The following FHIT variants were observed in gnomAD, a reference collection of about 807,000 sequenced individuals.
FHIT encodes bis(5'-adenosyl)-triphosphatase.
Under a neutral mutation model 17.9 loss-of-function variants are expected in FHIT, and 19 were observed. The observed-to-expected ratio is 1.06, with a 90% confidence interval of 0.74 to 1.56. The LOEUF is 1.56. Among genes scored for constraint, FHIT ranks in the 40% most tolerant of loss-of-function variants. The pLI, the probability that FHIT is intolerant of heterozygous loss-of-function variation, is 0.00. For missense variants in FHIT, 248 were observed against 189.2 expected, an observed-to-expected ratio of 1.31 and a Z score of -1.82; for synonymous variants, 81 against 69.7, an observed-to-expected ratio of 1.16 and a Z score of -0.81.
At chr3:60,697,423 G>A (rs1439878871) in intron 4 of FHIT, among the ~76,000 whole-genome samples, 1 of 152,002 alleles carries the variant, frequency 6.6e-6, no homozygotes, top group African/African-American at 2.4e-5. Flanking sequence ...CACTTTTCCT[G>A]TACAAATTAT....
At chr3:61,112,935 T>C (rs1185435402) in intron 2 of FHIT, among the ~76,000 whole-genome samples, 3 of 152,268 alleles carry the variant, frequency 2.0e-5, no homozygotes, top group South Asian at 2.1e-4. Flanking sequence ...TGGAACTAAC[T>C]ATGGAACAAG....
At chr3:61,048,582 G>C (rs1575913150) in intron 2 of FHIT, among the ~76,000 whole-genome samples, 1 of 152,122 alleles carries the variant, frequency 6.6e-6, no homozygotes, top group African/African-American at 2.4e-5. Flanking sequence ...ATTCCTCAAG[G>C]ATCTAGAACT....
chr3:60,809,743 G>A lies in FHIT; in HGVS notation c.-18+12176C>T, dbSNP rs561940912. Among the ~76,000 whole-genome samples, 165 of 152,222 alleles carry A rather than the reference G, an allele frequency of 1.1e-3. 2 individuals carry two copies. The highest frequency in any genetic ancestry group is 3.4e-3 in the Middle Eastern group (1 of 294). The stretch of plus-strand genomic sequence containing the variant: ...TTCTGAAACCTTAAAGGTTGTATAA[G>A]CCTTTAGAAAACATTAGTTGATGTG... On this transcript the variant is annotated intron_variant, in intron 4 of 9. Transcript: ENST00000492590.
chr3:60,295,102 G>A (rs1470288772), intron 5 of FHIT, among the ~76,000 whole-genome samples: 1 of 151,996 alleles, frequency 6.6e-6, no homozygotes, highest in East Asian at 1.9e-4. Context: ...GAATACATGA[G>A]TAGCCAGGTC....
At chr3:60,839,746 C>T (rs1702655659) in intron 3 of FHIT, among the ~76,000 whole-genome samples, 1 of 152,052 alleles carries the variant, frequency 6.6e-6, no homozygotes, top group Non-Finnish European at 1.5e-5. Context: ...CATAGCTCAC[C>T]CCACCCCCTT....
chr3:60,298,393 C>T (rs1287550304), intron 5 of FHIT, among the ~76,000 whole-genome samples: 1 of 152,088 alleles, frequency 6.6e-6, no homozygotes, highest in East Asian at 1.9e-4. Context: ...CATTAAAAAA[C>T]ACTCTTATCT....
chr3:59,770,755 G>A (rs958034537), intron 8 of FHIT, among the ~76,000 whole-genome samples: 3 of 152,138 alleles, frequency 2.0e-5, no homozygotes, highest in African/African-American at 7.2e-5. Context: ...CAGATGCCAA[G>A]GCTCAGAAAA....
At chr3:60,130,980 TAC>T (rs1292185090) in intron 5 of FHIT, among the ~76,000 whole-genome samples, 1 of 128,922 alleles carries the variant, frequency 7.8e-6, no homozygotes, top group South Asian at 2.5e-4. Flanking sequence ...GGTATATATA[TAC>T]ACATATATAC....
chr3:60,550,851 G>C (rs2107623362), intron 4 of FHIT, among the ~76,000 whole-genome samples: 1 of 152,218 alleles, frequency 6.6e-6, no homozygotes, highest in Middle Eastern at 3.4e-3. Flanking sequence ...TCTAGGCACA[G>C]GGTGCATATT....
intron 3 of FHIT, among the ~76,000 whole-genome samples, chr3:61,020,534 G>C (rs1340576155): frequency 6.6e-6 from 1 of 151,846 alleles, no homozygotes; most frequent in Non-Finnish European, 1.5e-5. Flanking sequence ...AATATGAAAA[G>C]GAAAAACTGG....
intron 5 of FHIT, among the ~76,000 whole-genome samples, chr3:60,309,550 T>G (rs1260029179): frequency 6.6e-6 from 1 of 152,156 alleles, no homozygotes; most frequent in East Asian, 1.9e-4. Context: ...ACTTTTTACC[T>G]TCTATTAAAG....
At chr3:60,127,191 G>A (rs1221905569) in intron 5 of FHIT, among the ~76,000 whole-genome samples, 2 of 152,110 alleles carry the variant, frequency 1.3e-5, no homozygotes, top group Non-Finnish European at 2.9e-5. Flanking sequence ...CCCACGCAAT[G>A]TTTTTAAAAT....
At chr3:60,339,325 T>G (rs974847813) in intron 5 of FHIT, among the ~76,000 whole-genome samples, 2 of 152,206 alleles carry the variant, frequency 1.3e-5, no homozygotes, top group African/African-American at 4.8e-5. Context: ...CACACTATAT[T>G]TCTAGTCCAT....
chr3:60,564,136 T>G (rs2037050489), intron 4 of FHIT, among the ~76,000 whole-genome samples: 1 of 152,092 alleles, frequency 6.6e-6, no homozygotes, highest in Non-Finnish European at 1.5e-5. Flanking sequence ...CTGGATCCCT[T>G]AAGAATGATA....
intron 3 of FHIT, among the ~76,000 whole-genome samples, chr3:60,950,636 T>C (rs1392540224): frequency 2.0e-5 from 3 of 151,860 alleles, no homozygotes; most frequent in Non-Finnish European, 4.4e-5. Flanking sequence ...CCTGCCTCAG[T>C]CTCCCAAGTA....
At chr3:61,050,651 G>A (rs879528975) in intron 2 of FHIT, among the ~76,000 whole-genome samples, 13 of 151,984 alleles carry the variant, frequency 8.6e-5, no homozygotes, top group East Asian at 1.9e-4. Context: ...AAGAAAGAAC[G>A]AAAAAATAAA....
At chr3:61,154,300 T>C (rs1235138283) in intron 2 of FHIT, among the ~76,000 whole-genome samples, 3 of 152,062 alleles carry the variant, frequency 2.0e-5, no homozygotes, top group African/African-American at 7.2e-5. Flanking sequence ...CAATTGACAT[T>C]AAGTATATTA....
At chr3:60,491,229 C>A (rs1048026110) in intron 5 of FHIT, among the ~76,000 whole-genome samples, 4 of 152,018 alleles carry the variant, frequency 2.6e-5, no homozygotes, top group African/African-American at 4.8e-5. Flanking sequence ...AAAGAAATGG[C>A]AATAATTCAT....
At chr3:60,072,672 G>C (rs975980127) in intron 5 of FHIT, among the ~76,000 whole-genome samples, 9 of 152,252 alleles carry the variant, frequency 5.9e-5, no homozygotes, top group African/African-American at 1.4e-4. Context: ...GTAAGTGGAC[G>C]ATCAAAGATT....
Sources: gnomAD v4.1 joint callset for allele counts (sites outside exome capture counted in the v4.1 genomes callset) on GRCh38, gnomAD v4.1.1 for gene constraint, MANE v1.5 for transcripts, NCBI Gene and HGNC (gene_info 2026-07-23, HGNC 2026-07-21) for gene names.